FYN: variants seen among roughly 807,000 people sequenced by gnomAD.
FYN encodes tyrosine-protein kinase Fyn.
A neutral mutation model predicts 70.2 loss-of-function variants in FYN; 10 were observed. That is an observed-to-expected ratio of 0.14 (90% confidence interval 0.09 to 0.24). The LOEUF is 0.24. Among genes scored for constraint, FYN ranks in the 10% least tolerant of loss-of-function variants. The pLI, the probability that FYN is intolerant of heterozygous loss-of-function variation, is 1.00. For missense variants in FYN, 319 were observed against 673.1 expected, an observed-to-expected ratio of 0.47 and a Z score of 5.82; for synonymous variants, 236 against 248.6, an observed-to-expected ratio of 0.95 and a Z score of 0.48.
At chr6:111,691,959 C>T (rs796157567) in intron 12 of FYN, among the ~76,000 whole-genome samples, 56 of 152,258 alleles carry the variant, frequency 3.7e-4, no homozygotes, top group African/African-American at 1.3e-3. Flanking sequence ...TGTTTCCCTG[C>T]TTGGTCCTCA....
At chr6:111,775,983 T>C (rs1770922836) in intron 3 of FYN, among the ~76,000 whole-genome samples, 1 of 152,146 alleles carries the variant, frequency 6.6e-6, no homozygotes, top group African/African-American at 2.4e-5. Context: ...TCTGGTTGGA[T>C]TTTGGGTTAC....
At chr6:111,744,095 G>T (rs6919476) in intron 3 of FYN, among the ~76,000 whole-genome samples, 1 of 152,114 alleles carries the variant, frequency 6.6e-6, no homozygotes, top group Non-Finnish European at 1.5e-5. Context: ...AGCTGGAGAA[G>T]AGCCATCTTG....
At chr6:111,666,639 C>A (rs368519697) in intron 13 of FYN, among the ~76,000 whole-genome samples, 1 of 152,156 alleles carries the variant, frequency 6.6e-6, no homozygotes, top group Admixed American at 6.5e-5. Flanking sequence ...TCGAGACCAG[C>A]GTGGGCAACA....
intron 2 of FYN, among the ~76,000 whole-genome samples, chr6:111,795,133 C>A (rs753594731): frequency 6.6e-6 from 1 of 152,154 alleles, no homozygotes; most frequent in Non-Finnish European, 1.5e-5. Flanking sequence ...AATTGTATCC[C>A]TCCAAAATTC....
intron 3 of FYN, among the ~76,000 whole-genome samples, chr6:111,737,737 T>C (rs974946373): frequency 2.0e-5 from 3 of 152,158 alleles, no homozygotes; most frequent in Admixed American, 6.5e-5. Flanking sequence ...GACTGGGAGA[T>C]AAGGCTCAAA....
rs370069902 is a variant in FYN at position 111,702,889 on chromosome 6, G to A, written c.693C>T (p.Tyr231=). Residue 231 remains tyrosine (Y), a synonymous_variant, in exon 8 of 14, where the codon TAC becomes TAT. Coordinates refer to ENST00000354650, the MANE Select transcript of FYN (RefSeq NM_002037.5). ...FETLQQLVQH[Y]SERAAGLCCR... ...GGTAGTTAGAATTAAGGTTACCTGA[G>A]TAATGTTGTACAAGCTGCTGAAGTG... The A allele has an allele frequency of 6.2e-7, 1 of 1,613,906 alleles. No homozygotes were observed.
At chr6:111,834,928 G>A (rs1416080805) in intron 2 of FYN, among the ~76,000 whole-genome samples, 3 of 152,106 alleles carry the variant, frequency 2.0e-5, no homozygotes, top group African/African-American at 7.2e-5. Flanking sequence ...TCTCAACTTG[G>A]CATAATTCTC....
intron 2 of FYN, among the ~76,000 whole-genome samples, chr6:111,824,637 T>G (rs527967198): frequency 6.6e-6 from 1 of 152,340 alleles, no homozygotes; most frequent in African/African-American, 2.4e-5. Context: ...CTCATCTATT[T>G]TGCTTTACTC....
intron 13 of FYN, among the ~76,000 whole-genome samples, chr6:111,666,577 A>C (rs1219434416): frequency 6.6e-6 from 1 of 151,998 alleles, no homozygotes; most frequent in Non-Finnish European, 1.5e-5. Context: ...TCCATAAAAC[A>C]CCTCCAGCAC....
At chr6:111,853,764 G>A (rs1231092268) in intron 1 of FYN, among the ~76,000 whole-genome samples, 1 of 152,182 alleles carries the variant, frequency 6.6e-6, no homozygotes, top group Non-Finnish European at 1.5e-5. Flanking sequence ...GACTACAGAA[G>A]TGCTTCATCA....
chr6:111,678,108 A>ATGTGTGTG (rs57015847), intron 12 of FYN, among the ~76,000 whole-genome samples: 10,744 of 93,570 alleles, frequency 0.11, 411 homozygotes, highest in Non-Finnish European at 0.15. Flanking sequence ...AGGCCATAAT[A>ATGTGTGTG]TGTGTGTGTG....
At chr6:111,867,819 T>TATA (rs1383335543) in intron 1 of FYN, among the ~76,000 whole-genome samples, 1 of 152,202 alleles carries the variant, frequency 6.6e-6, no homozygotes, top group Non-Finnish European at 1.5e-5. Flanking sequence ...GCCAGATCTT[T>TATA]ATAAAAATAC....
At chr6:111,672,621 C>T (rs1527028) in intron 13 of FYN, among the ~76,000 whole-genome samples, 72,014 of 152,058 alleles carry the variant, frequency 0.47, 17,640 homozygotes, top group East Asian at 0.59. Flanking sequence ...ATTTGATGCA[C>T]ATTTTATCTA....
At chr6:111,731,143 G>A (rs1469771076) in intron 3 of FYN, among the ~76,000 whole-genome samples, 3 of 152,204 alleles carry the variant, frequency 2.0e-5, no homozygotes, top group Admixed American at 6.5e-5. Context: ...CTCCAAGGCC[G>A]AACAAAACCC....
intron 2 of FYN, among the ~76,000 whole-genome samples, chr6:111,832,601 G>A (rs57940317): frequency 6.6e-6 from 1 of 151,596 alleles, no homozygotes; most frequent in East Asian, 1.9e-4. Flanking sequence ...TAGCAATTTT[G>A]ATCATCATTT....
chr6:111,718,596 G>T (rs184412525), intron 4 of FYN, among the ~76,000 whole-genome samples: 1 of 152,150 alleles, frequency 6.6e-6, no homozygotes, highest in East Asian at 1.9e-4. Context: ...TGCTTCTCAC[G>T]GTAGGCACAA....
At chr6:111,767,051 T>C (rs1192077914) in intron 3 of FYN, among the ~76,000 whole-genome samples, 5 of 152,218 alleles carry the variant, frequency 3.3e-5, no homozygotes, top group African/African-American at 1.2e-4. Flanking sequence ...ATCGACTATA[T>C]TTTTAATGCA....
At chr6:111,775,029 A>C (rs571664787) in intron 3 of FYN, among the ~76,000 whole-genome samples, 9 of 152,272 alleles carry the variant, frequency 5.9e-5, no homozygotes, top group African/African-American at 2.2e-4. Context: ...AGCTGTTTAC[A>C]AACTTAAATG....
chr6:111,745,313 G>C (rs971618302), intron 3 of FYN, among the ~76,000 whole-genome samples: 1 of 152,216 alleles, frequency 6.6e-6, no homozygotes, highest in Non-Finnish European at 1.5e-5. Flanking sequence ...AAGCCTGCTT[G>C]CCTGAAGAAA....
Sources: allele counts gnomAD v4.1 joint callset (sites outside exome capture counted in the v4.1 genomes callset), GRCh38; gene constraint gnomAD v4.1.1; transcripts MANE v1.5; gene names NCBI Gene and HGNC (gene_info 2026-07-23, HGNC 2026-07-21).